Variants in FAT3 observed in about 807,000 individuals in gnomAD.
The protein encoded by FAT3 is protocadherin Fat 3.
A neutral mutation model predicts 310.2 loss-of-function variants in FAT3; 95 were observed. The ratio of observed to expected loss-of-function variants is 0.31; its 90% CI spans 0.26 to 0.36. The LOEUF is 0.36. FAT3 is among the 10% of genes least tolerant of loss of function. The pLI is 1.00. For synonymous variants in FAT3, 2,314 were observed against 2,192.9 expected (o/e 1.06, Z -1.54); for missense variants, 5,408 against 5,715.6 (o/e 0.95, Z 1.74).
chr11:92,378,771 G>A (rs1949417302), intron 2 of FAT3, among the ~76,000 whole-genome samples: 1 of 152,206 alleles, frequency 6.6e-6, no homozygotes, highest in South Asian at 2.1e-4. Flanking sequence ...AGGCTTGGAA[G>A]TCTAAGTGCA....
At chr11:92,469,561 CT>C (rs1951856837) in intron 2 of FAT3, among the ~76,000 whole-genome samples, 4 of 152,048 alleles carry the variant, frequency 2.6e-5, no homozygotes, top group South Asian at 4.1e-4. Context: ...GTCACCCAGG[CT>C]GGAGTGCAGT....
At chr11:92,303,933 A>G (rs1426198914) in intron 1 of FAT3, among the ~76,000 whole-genome samples, 2 of 152,032 alleles carry the variant, frequency 1.3e-5, no homozygotes, top group Non-Finnish European at 2.9e-5. Flanking sequence ...TTTTTTTCGC[A>G]ATTGTGTGGT....
At position 92,831,624 on chromosome 11, in the gene FAT3, A is replaced by G; in HGVS notation, c.9484A>G (p.Ile3162Val). ...ATTTTCCTGTGTCTCTCCCACAGGC[A>G]TCAATAGGAAGGTCGTGTACTCCCT... ...RVQAVDPDIGINRKVVYSLAD... is the reference protein window; with the variant it reads ...RVQAVDPDIGVNRKVVYSLAD... Residue 3162 changes from isoleucine to valine, a missense_variant and splice_region_variant, in exon 14 of 28, where the codon ATC becomes GTC. Coordinates refer to ENST00000525166, the MANE Select transcript of FAT3 (RefSeq NM_001367949.2). 6.2e-7 allele frequency: 1 copy of G among 1,609,892 alleles called. No individual in the cohort carries two copies. The highest frequency in any genetic ancestry group is 8.5e-7 in the Non-Finnish European group (1 of 1,178,450).
At chr11:92,510,310 C>T (rs1232058489) in intron 2 of FAT3, among the ~76,000 whole-genome samples, 1 of 152,068 alleles carries the variant, frequency 6.6e-6, no homozygotes, top group Admixed American at 6.6e-5. Flanking sequence ...TTCAACCTTC[C>T]TTTCTTTCTG....
At chr11:92,604,728 AG>A (rs1158792110) in intron 3 of FAT3, among the ~76,000 whole-genome samples, 1 of 152,162 alleles carries the variant, frequency 6.6e-6, no homozygotes, top group Non-Finnish European at 1.5e-5. Context: ...GGCTTCCAAG[AG>A]GGCTGGTCTT....
At chr11:92,305,109 G>T (rs537024794) in intron 1 of FAT3, among the ~76,000 whole-genome samples, 9 of 152,060 alleles carry the variant, frequency 5.9e-5, no homozygotes, top group Admixed American at 5.9e-4. Flanking sequence ...CTTTGCTTCT[G>T]CCCTCCCCTT....
intron 1 of FAT3, among the ~76,000 whole-genome samples, chr11:92,247,280 GTATCTGCCTTAACTT>G (rs1157393965): frequency 1.3e-5 from 2 of 151,814 alleles, no homozygotes; most frequent in Non-Finnish European, 2.9e-5. Flanking sequence ...ACCTGAACCT[GTATCTGCCTTAACTT>G]TGGGTACATG....
chr11:92,345,895 G>GATCC (rs1948403442), intron 1 of FAT3, among the ~76,000 whole-genome samples: 1 of 152,132 alleles, frequency 6.6e-6, no homozygotes, highest in African/African-American at 2.4e-5. Flanking sequence ...ATAAGCTTAT[G>GATCC]ATCCCTTTGG....
chr11:92,320,058 C>T (rs1168213611), intron 1 of FAT3, among the ~76,000 whole-genome samples: 1 of 152,156 alleles, frequency 6.6e-6, no homozygotes, highest in Non-Finnish European at 1.5e-5. Context: ...CCAAATTTAG[C>T]ATCATAATCA....
chr11:92,694,629 A>G (rs1311085980), intron 3 of FAT3, among the ~76,000 whole-genome samples: 4 of 152,090 alleles, frequency 2.6e-5, no homozygotes, highest in Non-Finnish European at 5.9e-5. Context: ...CCACACCACA[A>G]TGGGCTGTGG....
intron 1 of FAT3, among the ~76,000 whole-genome samples, chr11:92,322,242 G>A (rs1309768669): frequency 1.3e-5 from 2 of 152,136 alleles, no homozygotes; most frequent in Non-Finnish European, 2.9e-5. Context: ...GGTTTACACT[G>A]TAACCTATTA....
chr11:92,889,451 C>G (rs7128750), intron 26 of FAT3, among the ~76,000 whole-genome samples: 79,286 of 151,202 alleles, frequency 0.52, 22,288 homozygotes, highest in African/African-American at 0.75. Flanking sequence ...TATAAGGTAC[C>G]CTCTTTATAA....
chr11:92,528,479 C>T (rs1046944531), intron 3 of FAT3, among the ~76,000 whole-genome samples: 13 of 152,154 alleles, frequency 8.5e-5, no homozygotes, highest in African/African-American at 2.9e-4. Flanking sequence ...CTCCGCCTCC[C>T]GAGTTCACGC....
At chr11:92,263,233 T>G (rs1865629639) in intron 1 of FAT3, among the ~76,000 whole-genome samples, 1 of 151,980 alleles carries the variant, frequency 6.6e-6, no homozygotes, top group South Asian at 2.1e-4. Context: ...CATCATTTTT[T>G]TTTTCTCGAT....
chr11:92,818,740 C>T (rs1384412311), intron 13 of FAT3, among the ~76,000 whole-genome samples: 1 of 152,138 alleles, frequency 6.6e-6, no homozygotes, highest in Non-Finnish European at 1.5e-5. Context: ...TTCCCTTTGC[C>T]GACCTCAAAG....
intron 13 of FAT3, among the ~76,000 whole-genome samples, chr11:92,813,096 C>G (rs1487462823): frequency 1.3e-5 from 2 of 152,096 alleles, no homozygotes; most frequent in Non-Finnish European, 2.9e-5. Context: ...TTGTAAGTTT[C>G]CTGAGGCCTC....
At chr11:92,763,957 G>A (rs1946233143) in intron 5 of FAT3, among the ~76,000 whole-genome samples, 1 of 152,232 alleles carries the variant, frequency 6.6e-6, no homozygotes, top group Non-Finnish European at 1.5e-5. Context: ...TCACTGTTTC[G>A]AAGGGCTATA....
rs745351486 is a variant in FAT3, at chr11:92,800,297, G to C, written c.7284G>C (p.Arg2428=). ...ASDADSSDFD[R]LEYSILSGND... is the part of the protein sequence containing the mutation. Reference sequence around the variant, plus strand: ...ATGCAGACAGCTCTGATTTTGACCGGTTGGAATATAGCATTTTATCTGGGA... The same window carrying C: ...ATGCAGACAGCTCTGATTTTGACCGCTTGGAATATAGCATTTTATCTGGGA... Residue 2428 remains arginine, a synonymous_variant, in exon 10 of 28, where the codon CGG becomes CGC. Transcript: ENST00000525166. 2 of 1,613,846 alleles carry C rather than the reference G, an allele frequency of 1.2e-6. No homozygotes were observed. Among genetic ancestry groups the C allele is most frequent in the Admixed American group, 1.7e-5 (1 of 60,022 alleles).
chr11:92,482,741 T>A (rs994851442), intron 2 of FAT3, among the ~76,000 whole-genome samples: 3 of 152,008 alleles, frequency 2.0e-5, no homozygotes, highest in African/African-American at 4.8e-5. Flanking sequence ...GCAGCCAGTC[T>A]CTCTCTCTCT....
Sources: allele counts gnomAD v4.1 joint callset (sites outside exome capture counted in the v4.1 genomes callset), GRCh38; gene constraint gnomAD v4.1.1; transcripts MANE v1.5; gene names NCBI Gene and HGNC (gene_info 2026-07-23, HGNC 2026-07-21).